MAVS: variants seen among roughly 807,000 people sequenced by gnomAD.
MAVS encodes the protein mitochondrial antiviral signaling protein, also known as mitochondrial antiviral-signaling protein.
In MAVS, 20 loss-of-function variants were observed where a neutral mutation model predicts 30.2. The observed-to-expected ratio is 0.66, with a 90% CI of 0.47 to 0.96. MAVS has a LOEUF of 0.96. Ranked by LOEUF, MAVS falls within the 40% of genes least tolerant of loss-of-function variation. The pLI, the probability that MAVS is intolerant of heterozygous loss-of-function variation, is 0.00. For missense variants in MAVS, 624 were observed against 701.1 expected, an observed-to-expected ratio of 0.89 and a Z score of 1.24; for synonymous variants, 278 against 293.9, an observed-to-expected ratio of 0.95 and a Z score of 0.55.
intron 4 of MAVS, 151 bp from the exon 5 acceptor site, chr20:3,862,103 G>A (rs1046899831): frequency 1.2e-6 from 1 of 801,104 alleles, no homozygotes; most frequent in South Asian, 1.9e-5. Context: ...CAGAGGGTCT[G>A]GGAATTACCA....
chr20:3,854,286 T>C lies in MAVS; in HGVS notation c.-67-272T>C, dbSNP rs551286518. Among the ~76,000 whole-genome samples the C allele has an allele frequency of 2.0e-3, 299 of 151,270 alleles. 3 individuals are homozygous for C. Among genetic ancestry groups the C allele is most frequent in the African/African-American group, 7.2e-3 (295 of 41,220 alleles). ...AAATACAAAAATTAGCTGGGCATGG[T>C]GGTGCGCACCTGTAATCCCAGCTAC... On this transcript the variant is annotated intron_variant, in intron 1 of 6. Transcript: ENST00000428216.
At chr20:3,861,011 T>G (rs2089861927) in intron 3 of MAVS, among the ~76,000 whole-genome samples, 1 of 125,452 alleles carries the variant, frequency 8.0e-6, no homozygotes. Context: ...TTTTTTTTTT[T>G]AGACGGAGTC....
chr20:3,854,366 A>G (rs372089916), intron 1 of MAVS, among the ~76,000 whole-genome samples, 192 bp from the exon 2 acceptor site: 1 of 146,574 alleles, frequency 6.8e-6, no homozygotes, highest in African/African-American at 2.6e-5. Context: ...CGGAGGTTGC[A>G]GTGAGCCGAG....
At chr20:3,847,242 T>G (rs1488239150) in intron 1 of MAVS, among the ~76,000 whole-genome samples, 1 of 151,926 alleles carries the variant, frequency 6.6e-6, no homozygotes, top group African/African-American at 2.4e-5. Flanking sequence ...AGGGTGACGC[T>G]AAGGTGGGGC....
chr20:3,850,294 A>C (rs1439482302), intron 1 of MAVS, among the ~76,000 whole-genome samples: 5 of 140,794 alleles, frequency 3.6e-5, no homozygotes, highest in Non-Finnish European at 7.6e-5. Context: ...AAAAAAAAAA[A>C]AAAAAGAAAT....
intron 3 of MAVS, 37 bp downstream of exon 3, chr20:3,857,846 C>T: frequency 6.2e-7 from 1 of 1,609,934 alleles, no homozygotes; most frequent in South Asian, 1.1e-5. Context: ...GACCCCCAGC[C>T]TGCTCCCTGG....
At chr20:3,859,916 ACGCC>A (rs2146769409) in intron 3 of MAVS, among the ~76,000 whole-genome samples, 1 of 151,448 alleles carries the variant, frequency 6.6e-6, no homozygotes, top group South Asian at 2.1e-4. Flanking sequence ...TCCCGGGTTC[ACGCC>A]ATTCTCCTGC....
At chr20:3,849,010 C>T (rs150309966) in intron 1 of MAVS, among the ~76,000 whole-genome samples, 5 of 152,122 alleles carry the variant, frequency 3.3e-5, no homozygotes, top group Non-Finnish European at 5.9e-5. Context: ...TTCATCCTGG[C>T]CCCTCCAAAG....
At chr20:3,864,125 C>T in intron 5 of MAVS, 131 bp from the exon 6 acceptor site, 2 of 1,051,748 alleles carry the variant, frequency 1.9e-6, no homozygotes, top group Non-Finnish European at 2.8e-6. Context: ...GTGGCATCTC[C>T]TCCAAGGGCA....
intron 3 of MAVS, among the ~76,000 whole-genome samples, chr20:3,860,737 C>T (rs6037679): frequency 0.099 from 14,818 of 150,350 alleles, 900 homozygotes; most frequent in East Asian, 0.22. Context: ...AGTGCAGTGG[C>T]GCGATCTCAG....
At position 3,857,649 on chromosome 20, in the gene MAVS, C is replaced by T. The variant is rs762647188; in HGVS notation, c.132C>T (p.Ala44=). 1.9e-6 allele frequency: 3 copies of T among 1,612,840 alleles called. No homozygotes were observed. Among genetic ancestry groups the T allele is most frequent in the Admixed American group, 1.7e-5 (1 of 60,002 alleles). ...GTGTCTTCCAGGATCGACTGCGGGC[C>T]ACCTGCACACTCTCAGGGAACCGGG... The part of the protein sequence containing the change: ...LTARDQDRLR[A]TCTLSGNRDT... The change falls in exon 3 of 7, where the codon GCC becomes GCT. Residue 44 remains alanine (A), a synonymous_variant. Transcript: ENST00000428216.
chr20:3,859,236 G>A (rs539588980), intron 3 of MAVS, among the ~76,000 whole-genome samples: 60 of 151,300 alleles, frequency 4.0e-4, no homozygotes, highest in African/African-American at 1.1e-3. Context: ...GGCTGGGCAC[G>A]GTGGCTCACG....
intron 2 of MAVS, among the ~76,000 whole-genome samples, chr20:3,856,373 T>TTTGG (rs2089810885): frequency 6.8e-6 from 1 of 147,456 alleles, no homozygotes; most frequent in Non-Finnish European, 1.5e-5. Context: ...TTTTTTTTTT[T>TTTGG]GAGATGGAGT....
rs1157059237 is a variant in MAVS at position 3,854,810 on chromosome 20, A to G, written c.117+69A>G. The stretch of plus-strand genomic sequence containing the variant: ...GCTGTGGAATTCAAAGCTCAGCCCC[A>G]TCCTAGTTCCTCACCCAAGCCTGGG... On this transcript the variant is annotated intron_variant, in intron 2 of 6. Coordinates refer to ENST00000428216, the MANE Select transcript of MAVS (RefSeq NM_020746.5). 4 of 1,102,780 alleles carry G rather than the reference A, an allele frequency of 3.6e-6. No individual in the cohort carries two copies. In the East Asian group the frequency reaches 7.5e-5, roughly 21 times the overall value. 68.3% of individuals were successfully genotyped at this position (1,102,780 alleles called of 1,614,324 possible).
At chr20:3,862,157 G>T in intron 4 of MAVS, 97 bp from the exon 5 acceptor site, 2 of 1,390,278 alleles carry the variant, frequency 1.4e-6, no homozygotes, top group Non-Finnish European at 2.0e-6. Context: ...TCCATGGTGT[G>T]GGCTGAGGCC....
At chr20:3,849,318 T>C (rs965259687) in intron 1 of MAVS, among the ~76,000 whole-genome samples, 1 of 151,898 alleles carries the variant, frequency 6.6e-6, no homozygotes, top group Non-Finnish European at 1.5e-5. Flanking sequence ...CAAGCGATTC[T>C]CCTGCCTCAG....
intron 3 of MAVS, among the ~76,000 whole-genome samples, chr20:3,858,619 C>A (rs73610112): frequency 6.7e-6 from 1 of 148,404 alleles, no homozygotes; most frequent in East Asian, 2.0e-4. Flanking sequence ...GAGCTGAGAT[C>A]GCGCCACTGC....
intron 3 of MAVS, among the ~76,000 whole-genome samples, chr20:3,859,991 T>C (rs1372116163): frequency 6.6e-6 from 1 of 150,862 alleles, no homozygotes; most frequent in Non-Finnish European, 1.5e-5. Context: ...TAACTTTTTG[T>C]ATTTTTTAGT....
At position 3,875,452 on chromosome 20, in the gene MAVS, A is replaced by G. The variant is rs1409738328; in HGVS notation, c.*9305A>G. ...TAAAAACCCTGAATATCTTCCTTCT[A>G]CTTCTTCAGTGCTGTTTTTATTTAA... On this transcript the variant is annotated 3_prime_UTR_variant, in exon 7 of 7. Coordinates refer to ENST00000428216, the MANE Select transcript of MAVS (RefSeq NM_020746.5). 2 of 140,780 alleles carry G rather than the reference A, an allele frequency of 1.4e-5. No homozygotes were observed. The highest frequency in any genetic ancestry group is 5.5e-5 in the African/African-American group (2 of 36,600). The allele number at this position is 140,780 out of a possible 1,614,324, so 8.7% of individuals were successfully genotyped here.
Sources: gnomAD v4.1 joint callset for allele counts (sites outside exome capture counted in the v4.1 genomes callset) on GRCh38, gnomAD v4.1.1 for gene constraint, MANE v1.5 for transcripts, NCBI Gene and HGNC (gene_info 2026-07-23, HGNC 2026-07-21) for gene names.